Variants in DPH6 observed in about 807,000 individuals in gnomAD.
DPH6 encodes the protein diphthamine biosynthesis 6, also known as diphthine--ammonia ligase.
In DPH6, 33 loss-of-function variants were observed where a neutral mutation model predicts 38.2. The observed-to-expected ratio is 0.86, with a 90% confidence interval of 0.65 to 1.15. DPH6 has a LOEUF of 1.15. Among genes scored for constraint, DPH6 ranks in the 50% most tolerant of loss-of-function variants. The probability of loss-of-function intolerance (pLI) is 0.00; values close to 1 mark genes in which losing one functional copy is unlikely to be tolerated. For missense variants in DPH6, 325 were observed against 320.0 expected (o/e 1.02, Z -0.12); for synonymous variants, 108 against 103.0 (o/e 1.05, Z -0.30).
intron 3 of DPH6, among the ~76,000 whole-genome samples, chr15:35,496,563 A>ATATATATATATATATATAT (rs1555406393): frequency 7.3e-3 from 116 of 15,880 alleles, no homozygotes; most frequent in Non-Finnish European, 0.013. Flanking sequence ...CTCAAAAAAA[A>ATATATATATATATATATAT]AAAAATATAT....
the DPH6 span, among the ~76,000 whole-genome samples, chr15:35,171,239 CT>C: frequency 1.3e-5 from 2 of 152,344 alleles, no homozygotes; most frequent in Middle Eastern, 3.4e-3. Context: ...TGACATGCCA[CT>C]TGGTTGCAGC....
chr15:35,446,416 G>A (rs2053854591), intron 5 of DPH6, among the ~76,000 whole-genome samples: 1 of 150,474 alleles, frequency 6.6e-6, no homozygotes, highest in East Asian at 1.9e-4. Context: ...CTTTTTATAG[G>A]CATAGGTCTC....
At chr15:35,384,833 A>G (rs2052926236) in intron 6 of DPH6, among the ~76,000 whole-genome samples, 1 of 152,174 alleles carries the variant, frequency 6.6e-6, no homozygotes, top group East Asian at 1.9e-4. Context: ...GTGAACAGGC[A>G]ACCTACAGAA....
rs367957080 is a variant in DPH6, at chr15:35,376,162, AACC to A, written c.663-2557_663-2555del. On this transcript the variant is annotated intron_variant, in intron 7 of 8. Transcript: ENST00000256538. ...TTGTGTGCCTTTCTTCGGGGAGAGG[AACC>A]AGTTTTGTTCATCTTTGTCTGCCTG... 2.9e-3 allele frequency among the ~76,000 whole-genome samples: 448 copies of A among 152,136 alleles called. 1 individual carries two copies. The highest frequency in any genetic ancestry group is 9.9e-3 in the African/African-American group (412 of 41,510).
chr15:35,228,737 C>T (rs2051498859), intron 3 of DPH6, among the ~76,000 whole-genome samples: 1 of 152,142 alleles, frequency 6.6e-6, no homozygotes, highest in Admixed American at 6.5e-5. Context: ...TCTTGTAGAA[C>T]AGGTCTTGTG....
intron 3 of DPH6, among the ~76,000 whole-genome samples, chr15:35,316,293 T>G (rs1460629542): frequency 6.6e-6 from 1 of 152,204 alleles, no homozygotes; most frequent in East Asian, 1.9e-4. Context: ...ATTATTTACA[T>G]GTACCCCAAA....
intron 3 of DPH6, among the ~76,000 whole-genome samples, chr15:35,331,874 A>C (rs888407067): frequency 1.3e-5 from 2 of 152,180 alleles, no homozygotes; most frequent in African/African-American, 4.8e-5. Flanking sequence ...CTTCCCTGAC[A>C]CAAGAGCTGA....
chr15:35,353,724 A>G (rs1279066184), intron 3 of DPH6, among the ~76,000 whole-genome samples: 3 of 151,984 alleles, frequency 2.0e-5, no homozygotes, highest in Non-Finnish European at 4.4e-5. Context: ...GATGCCTCCA[A>G]CTTTGTTCTT....
chr15:35,525,696 C>T (rs917617277), intron 3 of DPH6, among the ~76,000 whole-genome samples: 9 of 152,002 alleles, frequency 5.9e-5, no homozygotes, highest in African/African-American at 9.7e-5. Context: ...AAAAATTAGC[C>T]GGCCATGGTT....
intron 3 of DPH6, among the ~76,000 whole-genome samples, chr15:35,336,241 C>T (rs2052371030): frequency 6.6e-6 from 1 of 151,882 alleles, no homozygotes; most frequent in Non-Finnish European, 1.5e-5. Flanking sequence ...GGGAAGTTCT[C>T]CTGGATAATA....
chr15:35,380,137 T>C (rs2052845038), intron 7 of DPH6, among the ~76,000 whole-genome samples: 1 of 152,234 alleles, frequency 6.6e-6, no homozygotes, highest in South Asian at 2.1e-4. Flanking sequence ...CTATCAGTTA[T>C]TGTTGATTTG....
chr15:35,270,018 T>G (rs905746323), intron 3 of DPH6, among the ~76,000 whole-genome samples: 2 of 120,876 alleles, frequency 1.7e-5, no homozygotes, highest in South Asian at 2.4e-4. Flanking sequence ...GGTCTCGATC[T>G]CCGATCTCCT....
intron 3 of DPH6, among the ~76,000 whole-genome samples, chr15:35,518,705 A>G (rs1229231707): frequency 6.6e-6 from 1 of 152,030 alleles, no homozygotes; most frequent in Non-Finnish European, 1.5e-5. Context: ...AAATCCAGAA[A>G]TTGCCAGATA....
At chr15:35,506,575 A>C (rs2054697353) in intron 3 of DPH6, among the ~76,000 whole-genome samples, 2 of 152,188 alleles carry the variant, frequency 1.3e-5, no homozygotes, top group Non-Finnish European at 2.9e-5. Flanking sequence ...AACTCACTGT[A>C]CTGGTATAAA....
chr15:35,446,179 GATAA>G (rs1317306315), intron 5 of DPH6, among the ~76,000 whole-genome samples: 1 of 149,914 alleles, frequency 6.7e-6, no homozygotes, highest in East Asian at 2.0e-4. Flanking sequence ...TTACAGTATT[GATAA>G]ATACAGTACA....
chr15:35,339,890 T>C (rs77525096), intron 3 of DPH6, among the ~76,000 whole-genome samples: 5,329 of 152,284 alleles, frequency 0.035, 107 homozygotes, highest in Middle Eastern at 0.058. Context: ...TAGATATCTA[T>C]CAAGTCCACT....
intron 3 of DPH6, among the ~76,000 whole-genome samples, chr15:35,281,489 A>C (rs1187281759): frequency 6.6e-6 from 1 of 152,244 alleles, no homozygotes; most frequent in East Asian, 1.9e-4. Flanking sequence ...TTCATGAAGA[A>C]AATGACCAAA....
chr15:35,279,582 A>C (rs2051884891), intron 3 of DPH6, among the ~76,000 whole-genome samples: 1 of 151,982 alleles, frequency 6.6e-6, no homozygotes, highest in East Asian at 1.9e-4. Flanking sequence ...CCTGGTTTAA[A>C]AGAGTGTGGC....
the DPH6 span, among the ~76,000 whole-genome samples, chr15:35,152,984 G>C: frequency 6.6e-6 from 1 of 152,204 alleles, no homozygotes; most frequent in Non-Finnish European, 1.5e-5. Context: ...TCATGATACA[G>C]GGGTTGGCAA....
Sources: gnomAD v4.1 joint callset for allele counts (sites outside exome capture counted in the v4.1 genomes callset) on GRCh38, gnomAD v4.1.1 for gene constraint, MANE v1.5 for transcripts, NCBI Gene and HGNC (gene_info 2026-07-23, HGNC 2026-07-21) for gene names.